TECR: variants seen among roughly 807,000 people sequenced by gnomAD.
TECR encodes very-long-chain enoyl-CoA reductase.
Under a neutral mutation model 50.6 loss-of-function variants are expected in TECR, and 19 were observed. The ratio of observed to expected loss-of-function variants is 0.38; its 90% CI spans 0.26 to 0.55. TECR has a LOEUF of 0.55. TECR is among the 20% of genes least tolerant of loss of function. The pLI is 0.79. For missense variants in TECR, 313 were observed against 408.3 expected, an observed-to-expected ratio of 0.77 and a Z score of 2.01; for synonymous variants, 168 against 163.5, an observed-to-expected ratio of 1.03 and a Z score of -0.21.
chr19:14,537,164 G>A (rs1011361838), intron 1 of TECR, among the ~76,000 whole-genome samples: 1 of 137,662 alleles, frequency 7.3e-6, no homozygotes, highest in Non-Finnish European at 1.6e-5. Context: ...GAAAGAAGAG[G>A]CGGGGCCGGG....
chr19:14,548,066 G>A (rs970235214), intron 1 of TECR, among the ~76,000 whole-genome samples: 1 of 151,346 alleles, frequency 6.6e-6, no homozygotes, highest in Non-Finnish European at 1.5e-5. Flanking sequence ...TGGGTCAAGC[G>A]ATTCTTCTGC....
chr19:14,564,930 C>T lies in TECR; in HGVS notation c.563-19C>T, dbSNP rs1464356084. ...GCGGGTCCTCCCCTCATGGGCTCCC[C>T]TCCCTGCTTCCTCTTCAGCCTACGG... is the stretch of plus-strand genomic sequence containing the variant. On this transcript the variant is annotated intron_variant, in intron 8 of 12. Coordinates refer to ENST00000215567, the MANE Select transcript of TECR (RefSeq NM_138501.6). The T allele has an allele frequency of 6.2e-7, 1 of 1,614,020 alleles. No individual in the cohort carries two copies. Among genetic ancestry groups the T allele is most frequent in the Admixed American group, 1.7e-5 (1 of 60,006 alleles).
At position 14,563,098 on chromosome 19, in the gene TECR, T is replaced by G; in HGVS notation, c.67-108T>G. ...GGCCTGGACCCCAGCCCTTCCCCCT[T>G]CCCATAGCTACAGCCCAACCCCCAG... is the stretch of plus-strand genomic sequence containing the variant. On this transcript the variant is annotated intron_variant, in intron 2 of 12. Coordinates refer to ENST00000215567, the MANE Select transcript of TECR (RefSeq NM_138501.6). The surrounding 1 kb of genome is among the most constrained non-coding windows in gnomAD (Gnocchi z 5.3). 1 of 1,412,872 alleles carries G rather than the reference T, an allele frequency of 7.1e-7. No individual in the cohort carries two copies. Among genetic ancestry groups the G allele is most frequent in the Non-Finnish European group, 9.9e-7 (1 of 1,014,576 alleles). 87.5% of individuals were successfully genotyped at this position (1,412,872 alleles called of 1,614,324 possible).
intron 1 of TECR, among the ~76,000 whole-genome samples, chr19:14,533,191 TG>T (rs1414989744): frequency 1.3e-5 from 2 of 151,528 alleles, no homozygotes; most frequent in Non-Finnish European, 2.9e-5. Flanking sequence ...GACACCAAGG[TG>T]GGCAAATCAT....
At chr19:14,543,403 ATATATATATATATATATTTTTTTTTTTTT>A (rs2073172569) in intron 1 of TECR, among the ~76,000 whole-genome samples, 8 of 9,792 alleles carry the variant, frequency 8.2e-4, no homozygotes, top group African/African-American at 1.3e-3. Flanking sequence ...ATATATATAT[ATATATATATATATATATTTTTTTTTTTTT>A]TTTTTTTTTT....
chr19:14,563,290 A>C lies in TECR; in HGVS notation c.118+33A>C. On this transcript the variant is annotated intron_variant, in intron 3 of 12. Transcript: ENST00000215567. The surrounding 1 kb of genome is among the most constrained non-coding windows in gnomAD (Gnocchi z 5.3). Reference sequence around the variant, plus strand: ...CTAGTCCCGGCCACACTGCCCCTGCAACCCCTTTGACCAGGGACCTTAGGG... The same window carrying C: ...CTAGTCCCGGCCACACTGCCCCTGCCACCCCTTTGACCAGGGACCTTAGGG... The C allele has an allele frequency of 6.3e-7, 1 of 1,583,458 alleles. No individual in the cohort carries two copies. Among genetic ancestry groups the C allele is most frequent in the Non-Finnish European group, 8.7e-7 (1 of 1,152,128 alleles).
At position 14,565,766 on chromosome 19, in the gene TECR, C is replaced by T. The variant is rs61732092; in HGVS notation, c.822C>T (p.Gly274=). Reference sequence around the variant, plus strand: ...CAGTGGCCCTGTTCTCCCTGGTGGGCTTCACCCAGATGACCATCTGGGCCA... The same window carrying T: ...CAGTGGCCCTGTTCTCCCTGGTGGGTTTCACCCAGATGACCATCTGGGCCA... ...CLPVALFSLV[G]FTQMTIWAKG... is the part of the protein sequence containing the mutation. The change falls in exon 13 of 13, where the codon GGC becomes GGT. Residue 274 remains glycine, a synonymous_variant. Coordinates refer to ENST00000215567, the MANE Select transcript of TECR (RefSeq NM_138501.6). 127,325 of 1,611,076 alleles carry T rather than the reference C, an allele frequency of 0.079. 5,591 individuals carry two copies. Among genetic ancestry groups the T allele is most frequent in the African/African-American group, 0.18 (13,399 of 74,974 alleles).
At chr19:14,550,289 C>T (rs1179246934) in intron 1 of TECR, among the ~76,000 whole-genome samples, 4 of 151,994 alleles carry the variant, frequency 2.6e-5, no homozygotes, top group South Asian at 4.2e-4. Context: ...TGTGAGTGGG[C>T]GGGTGGTGTT....
At chr19:14,562,081 C>A (rs373182889) in intron 1 of TECR, 35 of 427,178 alleles carry the variant, frequency 8.2e-5, no homozygotes, top group Admixed American at 2.6e-4. Context: ...TTCAGGGCAG[C>A]CTGGCTCCCC....
intron 1 of TECR, among the ~76,000 whole-genome samples, chr19:14,560,022 C>G (rs1054327824): frequency 1.3e-5 from 2 of 152,090 alleles, no homozygotes; most frequent in African/African-American, 4.8e-5. Flanking sequence ...CCTTGCAGCC[C>G]GGGCTTACCT....
At chr19:14,555,068 C>T (rs2073670772) in intron 1 of TECR, among the ~76,000 whole-genome samples, 9 of 151,362 alleles carry the variant, frequency 5.9e-5, no homozygotes, top group Admixed American at 5.9e-4. Context: ...TGAGCCACTG[C>T]GCCTGGCCTT....
rs71166754 is a variant in TECR, at chr19:14,542,347, G to GTTTTTTTTTTTTTTTTTTTTT, written c.15+12645_15+12665dup. 2.5e-4 allele frequency among the ~76,000 whole-genome samples: 11 copies of GTTTTTTTTTTTTTTTTTTTTT among 43,300 alleles called. 2 individuals are homozygous for GTTTTTTTTTTTTTTTTTTTTT. The highest frequency in any genetic ancestry group is 3.5e-4 in the Non-Finnish European group (8 of 22,812). 28.4% of individuals were successfully genotyped at this position (43,300 alleles called of 152,430 possible). On this transcript the variant is annotated intron_variant, in intron 1 of 12. Transcript: ENST00000215567. ...CCTCAGGGGGCCCTCATGCCATAGT[G>GTTTTTTTTTTTTTTTTTTTTT]TTTTTTTTTTTTTTTTTTTTTTTTT... is the stretch of plus-strand genomic sequence containing the variant.
chr19:14,528,728 T>C (rs1392085974), upstream of TECR, among the ~76,000 whole-genome samples: 2 of 151,470 alleles, frequency 1.3e-5, no homozygotes, highest in East Asian at 3.9e-4. Context: ...TCACCTGAGG[T>C]CAGGAGTTCA....
chr19:14,535,194 G>A (rs1394742784), intron 1 of TECR, among the ~76,000 whole-genome samples: 1 of 151,520 alleles, frequency 6.6e-6, no homozygotes, highest in Non-Finnish European at 1.5e-5. Context: ...CCAACATGGC[G>A]AAACCCCCTC....
At position 14,539,973 on chromosome 19, in the gene TECR, G is replaced by A. The variant is rs376608128; in HGVS notation, c.15+10262G>A. Among the ~76,000 whole-genome samples, 6 of 151,042 alleles carry A rather than the reference G, an allele frequency of 4.0e-5. No individual in the cohort carries two copies. In the East Asian group the frequency reaches 5.9e-4, roughly 15 times the overall value. On this transcript the variant is annotated intron_variant, in intron 1 of 12. Coordinates refer to ENST00000215567, the MANE Select transcript of TECR (RefSeq NM_138501.6). ...TGGCTCACTGCAACCTCCACCTCCC[G>A]GGTTCAAGTGATTCTCCTGCCTCAG...
chr19:14,535,918 G>T (rs966522812), intron 1 of TECR, among the ~76,000 whole-genome samples: 1 of 151,946 alleles, frequency 6.6e-6, no homozygotes, highest in African/African-American at 2.4e-5. Flanking sequence ...TTGAGCAGAT[G>T]GTGACTCACT....
rs1426057651 is a variant in TECR, at chr19:14,565,951, C to T, written c.*80C>T. 6.5e-6 allele frequency: 10 copies of T among 1,545,986 alleles called. No individual in the cohort carries two copies. The Admixed American group carries it at 7.7e-5, about 12-fold the overall frequency. Reference sequence around the variant, plus strand: ...AGTGGGGCCCACAGCTCTCCAGCACCCGGAATAAAGCCCGCCTGCCCCAGT... The same window carrying T: ...AGTGGGGCCCACAGCTCTCCAGCACTCGGAATAAAGCCCGCCTGCCCCAGT... On this transcript the variant is annotated 3_prime_UTR_variant, in exon 13 of 13. Transcript: ENST00000215567.
chr19:14,564,170 C>A lies in TECR; in HGVS notation c.384-12C>A. 1 of 1,606,180 alleles carries A rather than the reference C, an allele frequency of 6.2e-7. No homozygotes were observed. The highest frequency in any genetic ancestry group is 8.5e-7 in the Non-Finnish European group (1 of 1,179,494). On this transcript the variant is annotated splice_polypyrimidine_tract_variant and intron_variant, in intron 6 of 12. Coordinates refer to ENST00000215567, the MANE Select transcript of TECR (RefSeq NM_138501.6). Reference sequence around the variant, plus strand: ...CGGACCAGCCCCAGCTGAGCCTGCTCCCCCCGACCAGCCTCGCCTGCATCT... The same window carrying A: ...CGGACCAGCCCCAGCTGAGCCTGCTACCCCCGACCAGCCTCGCCTGCATCT...
chr19:14,557,012 C>G (rs2073750865), intron 1 of TECR, among the ~76,000 whole-genome samples: 1 of 152,132 alleles, frequency 6.6e-6, no homozygotes, highest in Admixed American at 6.5e-5. Flanking sequence ...TGGGCCCCTT[C>G]AAGAGCATGG....
Sources: allele counts gnomAD v4.1 joint callset (sites outside exome capture counted in the v4.1 genomes callset), GRCh38; gene constraint gnomAD v4.1.1; non-coding constraint Gnocchi (gnomAD v3.1); transcripts MANE v1.5; gene names NCBI Gene and HGNC (gene_info 2026-07-23, HGNC 2026-07-21).